The following TMEM132C variants were observed in gnomAD, a reference collection of about 807,000 sequenced individuals.
The protein encoded by TMEM132C is transmembrane protein 132C, also known as protein phosphatase 1, regulatory subunit 152.
TMEM132C carries 29 observed loss-of-function variants against 61.4 expected under a neutral mutation model. That is an observed-to-expected ratio of 0.47 (90% CI 0.35 to 0.64). TMEM132C has a LOEUF of 0.64. Among genes scored for constraint, TMEM132C ranks in the 30% least tolerant of loss-of-function variants. The pLI, the probability that TMEM132C is intolerant of heterozygous loss-of-function variation, is 0.00. For missense variants in TMEM132C, 1,408 were observed against 1,476.9 expected, an observed-to-expected ratio of 0.95 and a Z score of 0.76; for synonymous variants, 656 against 633.1, an observed-to-expected ratio of 1.04 and a Z score of -0.54.
intron 3 of TMEM132C, among the ~76,000 whole-genome samples, chr12:128,605,857 T>G (rs1337436092): frequency 6.6e-6 from 1 of 152,242 alleles, no homozygotes; most frequent in Non-Finnish European, 1.5e-5. Context: ...TTCCTTGATC[T>G]TTTCAGGTCA....
At chr12:128,331,588 A>G (rs1003726181) in intron 1 of TMEM132C, among the ~76,000 whole-genome samples, 57 of 152,330 alleles carry the variant, frequency 3.7e-4, no homozygotes, top group African/African-American at 1.3e-3. Flanking sequence ...TGCTACATAA[A>G]GCATGATTTC....
In TMEM132C at chr12:128,557,965, A is replaced by G. The variant is rs118013728; in HGVS notation, c.1121+13862A>G. Among the ~76,000 whole-genome samples, 584 of 152,364 alleles carry G rather than the reference A, an allele frequency of 3.8e-3. 3 individuals carry two copies. Among genetic ancestry groups the G allele is most frequent in the Non-Finnish European group, 5.6e-3 (383 of 68,038 alleles). On this transcript the variant is annotated intron_variant, in intron 3 of 8. Coordinates refer to ENST00000435159, the MANE Select transcript of TMEM132C (RefSeq NM_001136103.3). The stretch of plus-strand genomic sequence containing the variant: ...TGAGCCAGCCCGGCAACTTGGATTC[A>G]CATCTTGGCTCTTCTGCGTGGAAGT...
chr12:128,643,717 G>A (rs962475933), intron 4 of TMEM132C, among the ~76,000 whole-genome samples: 1 of 152,108 alleles, frequency 6.6e-6, no homozygotes, highest in African/African-American at 2.4e-5. Flanking sequence ...TTATTGTTTT[G>A]TTTGCTACGT....
chr12:128,591,219 T>C (rs1348238815), intron 3 of TMEM132C, among the ~76,000 whole-genome samples: 1 of 152,148 alleles, frequency 6.6e-6, no homozygotes, highest in Non-Finnish European at 1.5e-5. Context: ...TTTAGAACAT[T>C]CTCTTCATCC....
intron 2 of TMEM132C, among the ~76,000 whole-genome samples, chr12:128,449,658 A>G (rs1870115955): frequency 6.6e-6 from 1 of 152,232 alleles, no homozygotes; most frequent in South Asian, 2.1e-4. Flanking sequence ...GGGCTTGGCT[A>G]TGACTCTGTT....
intron 1 of TMEM132C, among the ~76,000 whole-genome samples, chr12:128,334,908 T>G (rs1872756265): frequency 6.6e-6 from 1 of 152,216 alleles, no homozygotes; most frequent in Non-Finnish European, 1.5e-5. Flanking sequence ...TTTTCAATTT[T>G]GTAGTGCACA....
chr12:128,292,909 C>T (rs1378454693), intron 1 of TMEM132C, among the ~76,000 whole-genome samples: 1 of 147,026 alleles, frequency 6.8e-6, no homozygotes, highest in Admixed American at 6.9e-5. Context: ...GAGCACATTT[C>T]ACATGGTAGG....
Position 128,706,537 on chromosome 12 carries a change from G to T in TMEM132C, c.*242G>T. 1 of 444,306 alleles carries T rather than the reference G, an allele frequency of 2.3e-6. No homozygotes were observed. Among genetic ancestry groups the T allele is most frequent in the Non-Finnish European group, 3.8e-6 (1 of 260,848 alleles). The allele number at this position is 444,306 out of a possible 1,614,324, so 27.5% of individuals were successfully genotyped here. A position where few individuals can be genotyped will look rare whatever the true frequency, so the allele number is the denominator to read the frequency against. The stretch of plus-strand genomic sequence containing the variant: ...CTGGGGCATGGGGAGTGCAGACCAA[G>T]TTACTGAACTGCACAGGCAAAATTA... On this transcript the variant is annotated 3_prime_UTR_variant, in exon 9 of 9. Transcript: ENST00000435159.
At chr12:128,667,108 T>A (rs1954486054) in intron 4 of TMEM132C, among the ~76,000 whole-genome samples, 1 of 152,174 alleles carries the variant, frequency 6.6e-6, no homozygotes, top group Non-Finnish European at 1.5e-5. Flanking sequence ...GAGATAGAGA[T>A]AGAGATATAT....
intron 2 of TMEM132C, among the ~76,000 whole-genome samples, chr12:128,510,246 G>A (rs1312309156): frequency 6.6e-6 from 1 of 152,120 alleles, no homozygotes; most frequent in Non-Finnish European, 1.5e-5. Flanking sequence ...TTTGAATTAT[G>A]TGATCTCTTT....
intron 4 of TMEM132C, among the ~76,000 whole-genome samples, chr12:128,631,099 T>C (rs1006412785): frequency 6.6e-6 from 1 of 152,222 alleles, no homozygotes; most frequent in African/African-American, 2.4e-5. Context: ...GTTTTGGTCC[T>C]GGTCTGGGAA....
chr12:128,668,463 T>A (rs986716240), intron 4 of TMEM132C, among the ~76,000 whole-genome samples: 1 of 152,190 alleles, frequency 6.6e-6, no homozygotes, highest in Non-Finnish European at 1.5e-5. Flanking sequence ...TTGAAGACAT[T>A]CATTCCACCT....
chr12:128,516,697 A>G (rs1374344286), intron 2 of TMEM132C, among the ~76,000 whole-genome samples: 1 of 152,134 alleles, frequency 6.6e-6, no homozygotes, highest in South Asian at 2.1e-4. Flanking sequence ...GGATCGCTTG[A>G]GGCCAGAAGT....
At chr12:128,601,319 G>A (rs1490831050) in intron 3 of TMEM132C, among the ~76,000 whole-genome samples, 4 of 152,184 alleles carry the variant, frequency 2.6e-5, no homozygotes, top group Non-Finnish European at 1.5e-5. Flanking sequence ...GACTGTCGGG[G>A]CACTCGGCTC....
At chr12:128,666,952 C>T (rs938475497) in intron 4 of TMEM132C, among the ~76,000 whole-genome samples, 20 of 152,176 alleles carry the variant, frequency 1.3e-4, no homozygotes, top group African/African-American at 4.1e-4. Context: ...TGCCTGTAGT[C>T]CCCGCTACTC....
chr12:128,549,053 A>G (rs1259529127), intron 3 of TMEM132C, among the ~76,000 whole-genome samples: 1 of 152,142 alleles, frequency 6.6e-6, no homozygotes, highest in Admixed American at 6.5e-5. Flanking sequence ...TCATGCTCCC[A>G]GGGCTGTAGG....
chr12:128,447,719 T>G (rs1870034066), intron 2 of TMEM132C, among the ~76,000 whole-genome samples: 1 of 81,836 alleles, frequency 1.2e-5, no homozygotes, highest in African/African-American at 7.3e-5. Flanking sequence ...TTTTTTTTTT[T>G]TTTTTTTTTT....
chr12:128,480,947 T>G (rs889564796), intron 2 of TMEM132C, among the ~76,000 whole-genome samples: 1 of 152,196 alleles, frequency 6.6e-6, no homozygotes, highest in Non-Finnish European at 1.5e-5. Context: ...ACGGAGCCTA[T>G]GTTGTCTCCC....
At chr12:128,340,416 CAA>C (rs1872919687) in intron 1 of TMEM132C, among the ~76,000 whole-genome samples, 1 of 151,606 alleles carries the variant, frequency 6.6e-6, no homozygotes, top group Non-Finnish European at 1.5e-5. Flanking sequence ...AACAAAATGA[CAA>C]AGATATTTTA....
Sources: gnomAD v4.1 joint callset for allele counts (sites outside exome capture counted in the v4.1 genomes callset) on GRCh38, gnomAD v4.1.1 for gene constraint, MANE v1.5 for transcripts, NCBI Gene and HGNC (gene_info 2026-07-23, HGNC 2026-07-21) for gene names.